The following CCNJL variants were observed in gnomAD, a reference collection of about 807,000 sequenced individuals.
CCNJL encodes cyclin-J-like protein.
CCNJL carries 33 observed loss-of-function variants against 33.4 expected under a neutral mutation model. The observed-to-expected ratio is 0.99, with a 90% CI of 0.75 to 1.32. The LOEUF is 1.32. CCNJL is among the 40% of genes most tolerant of loss of function. CCNJL has a pLI of 0.00. For missense variants in CCNJL, 512 were observed against 499.7 expected, an observed-to-expected ratio of 1.02 and a Z score of -0.23; for synonymous variants, 227 against 220.9, an observed-to-expected ratio of 1.03 and a Z score of -0.24.
At chr5:160,339,001 C>A (rs1269200029) in intron 1 of CCNJL, among the ~76,000 whole-genome samples, 1 of 152,048 alleles carries the variant, frequency 6.6e-6, no homozygotes, top group Non-Finnish European at 1.5e-5. Flanking sequence ...GTTGGCCAGG[C>A]CGGTCTCGAA....
intron 2 of CCNJL, among the ~76,000 whole-genome samples, chr5:160,305,068 C>A (rs1471061639): frequency 1.3e-5 from 2 of 152,060 alleles, no homozygotes; most frequent in African/African-American, 2.4e-5. Flanking sequence ...CTCATCTCGG[C>A]CTCCCAAAGT....
intron 2 of CCNJL, chr5:160,280,972 G>T: frequency 1.6e-6 from 1 of 626,456 alleles, no homozygotes; most frequent in Non-Finnish European, 2.9e-6. Context: ...GAGGAAGCCA[G>T]TCATTCCTTC....
At chr5:160,323,159 C>T (rs987402625) in intron 1 of CCNJL, among the ~76,000 whole-genome samples, 8 of 149,654 alleles carry the variant, frequency 5.3e-5, no homozygotes, top group African/African-American at 1.5e-4. Flanking sequence ...TGCTTGAACC[C>T]GGGAGGCGGA....
At chr5:160,279,724 G>GA (rs1283984967) in intron 3 of CCNJL, among the ~76,000 whole-genome samples, 1 of 152,206 alleles carries the variant, frequency 6.6e-6, no homozygotes, top group Non-Finnish European at 1.5e-5. Flanking sequence ...TCTATGACAA[G>GA]AGGGGGCTTG....
In CCNJL at chr5:160,251,174, G is replaced by GT. The variant is rs1377646689; in HGVS notation, c.*2203dup. ...GGCCTCATCCAACTGGTAAAAGGTC[G>GT]TAAGAGCAAAGATTGAGGTTTCCTG... On this transcript the variant is annotated 3_prime_UTR_variant, in exon 6 of 6. Coordinates refer to ENST00000257536, the MANE Select transcript of CCNJL (RefSeq NM_001308173.3). The GT allele has an allele frequency of 6.6e-6, 1 of 152,320 alleles. No individual in the cohort carries two copies. The highest frequency in any genetic ancestry group is 2.1e-4 in the South Asian group (1 of 4,826). The allele number at this position is 152,320 out of a possible 1,614,324, so 9.4% of individuals were successfully genotyped here. A position where few individuals can be genotyped will look rare whatever the true frequency, so the allele number is the denominator to read the frequency against.
intron 5 of CCNJL, chr5:160,254,452 CCTT>C: frequency 2.0e-6 from 1 of 499,092 alleles, no homozygotes; most frequent in Non-Finnish European, 3.5e-6. Context: ...GCTTTGGGGA[CCTT>C]CTCAAAAACA....
intron 2 of CCNJL, among the ~76,000 whole-genome samples, chr5:160,306,494 C>T (rs1247899093): frequency 1.3e-5 from 2 of 152,062 alleles, no homozygotes; most frequent in Non-Finnish European, 2.9e-5. Flanking sequence ...TAGCCCCTGG[C>T]TCCCTGGAGC....
At chr5:160,287,949 C>CT (rs1205949564) in intron 2 of CCNJL, among the ~76,000 whole-genome samples, 1 of 152,164 alleles carries the variant, frequency 6.6e-6, no homozygotes, top group African/African-American at 2.4e-5. Flanking sequence ...ATCACTCTCC[C>CT]TCCCCAGCTG....
At chr5:160,283,936 G>A (rs1345826546) in intron 2 of CCNJL, among the ~76,000 whole-genome samples, 5 of 152,256 alleles carry the variant, frequency 3.3e-5, no homozygotes. Flanking sequence ...CATCCATGTT[G>A]CAAATGACAG....
rs999258965 is a variant in CCNJL at position 160,262,608 on chromosome 5, C to T, written c.281-2837G>A. ...CCGGCACACAGAATGGGCTGTGCTT[C>T]GAGCTGGTCATGCACTTGCTCGTGG... is the stretch of plus-strand genomic sequence containing the variant. On this transcript the variant is annotated intron_variant, in intron 3 of 5. Transcript: ENST00000257536. Among the ~76,000 whole-genome samples the T allele has an allele frequency of 4.6e-5, 7 of 152,316 alleles. No homozygotes were observed. In the East Asian group the frequency reaches 7.7e-4, roughly 17 times the overall value.
chr5:160,292,066 A>AAAAAC (rs1157124059), intron 2 of CCNJL, among the ~76,000 whole-genome samples: 1 of 152,106 alleles, frequency 6.6e-6, no homozygotes, highest in Admixed American at 6.5e-5. Context: ...CGTCTCTTTA[A>AAAAAC]AAAACAAAAC....
At chr5:160,282,966 A>AATATATATATATATGTATAT (rs1762262935) in intron 2 of CCNJL, among the ~76,000 whole-genome samples, 1 of 43,394 alleles carries the variant, frequency 2.3e-5, no homozygotes, top group East Asian at 5.3e-4. Flanking sequence ...CAGTCCTTGG[A>AATATATATATATATGTATAT]ATATATATAT....
intron 2 of CCNJL, among the ~76,000 whole-genome samples, chr5:160,293,138 G>C (rs1762639627): frequency 6.6e-6 from 1 of 152,134 alleles, no homozygotes; most frequent in African/African-American, 2.4e-5. Flanking sequence ...AATGTTTTAG[G>C]CTGGGCATGG....
intron 2 of CCNJL, chr5:160,294,764 C>T (rs1762699104): frequency 6.6e-6 from 1 of 152,262 alleles, no homozygotes; most frequent in African/African-American, 2.4e-5. Flanking sequence ...CCTCATCCTC[C>T]CACGCCCTCT....
At chr5:160,304,390 C>A (rs1763025958) in intron 2 of CCNJL, among the ~76,000 whole-genome samples, 1 of 152,198 alleles carries the variant, frequency 6.6e-6, no homozygotes, top group African/African-American at 2.4e-5. Context: ...CCTCTGTATA[C>A]ACCTTCTAAG....
At chr5:160,272,144 T>C (rs142012079) in intron 3 of CCNJL, among the ~76,000 whole-genome samples, 35 of 152,342 alleles carry the variant, frequency 2.3e-4, no homozygotes, top group Non-Finnish European at 4.3e-4. Flanking sequence ...TATTCATTCA[T>C]CCTTGTCGAC....
At chr5:160,279,530 G>A (rs1335144955) in intron 3 of CCNJL, among the ~76,000 whole-genome samples, 2 of 152,288 alleles carry the variant, frequency 1.3e-5, no homozygotes, top group Non-Finnish European at 2.9e-5. Context: ...CATGGGGGGT[G>A]GTGGTTGTTC....
chr5:160,255,577 G>C lies in CCNJL; in HGVS notation c.715C>G (p.Leu239Val), dbSNP rs199971013. 97 of 1,614,182 alleles carry C rather than the reference G, an allele frequency of 6.0e-5. 1 individual carries two copies. The African/African-American group carries it at 1.1e-3, about 18-fold the overall frequency. The change falls in exon 5 of 6, where the codon CTC (leucine) becomes GTC (valine). Residue 239 changes from leucine (L) to valine (V), a missense_variant. Transcript: ENST00000257536. ...AGCAGGATTTCAATACACGTGCTGA[G>C]GTGCTCCAGGGAATAGCTTGAGATC... ...QRISSYSLEH[L>V]STCIEILLVV...
chr5:160,274,515 C>T (rs1761945693), intron 3 of CCNJL, among the ~76,000 whole-genome samples: 1 of 152,064 alleles, frequency 6.6e-6, no homozygotes, highest in Admixed American at 6.6e-5. Flanking sequence ...AAGCTCAGCA[C>T]AGCATGACTG....
Sources: gnomAD v4.1 joint callset for allele counts (sites outside exome capture counted in the v4.1 genomes callset) on GRCh38, gnomAD v4.1.1 for gene constraint, MANE v1.5 for transcripts, NCBI Gene and HGNC (gene_info 2026-07-23, HGNC 2026-07-21) for gene names.